The following UQCC6 variants were observed in gnomAD, a reference collection of about 807,000 sequenced individuals.
UQCC6 encodes ubiquinol-cytochrome c reductase complex assembly factor 6.
the UQCC6 span, chr12:103,951,459 T>C: frequency 1.1e-6 from 1 of 939,036 alleles, no homozygotes; most frequent in Non-Finnish European, 1.6e-6. Flanking sequence ...GACAAGTAGT[T>C]TGATGCAATA....
At chr12:103,956,649 C>G in the UQCC6 span, 1 of 1,551,380 alleles carries the variant, frequency 6.4e-7, no homozygotes, top group Non-Finnish European at 8.7e-7. Flanking sequence ...GTCGGTAGTA[C>G]CTGTGCACCA....
the UQCC6 span, among the ~76,000 whole-genome samples, chr12:103,964,037 T>TGA: frequency 6.6e-6 from 1 of 151,692 alleles, no homozygotes; most frequent in Admixed American, 6.6e-5. Context: ...TGCAGGATGT[T>TGA]GAGAGAGAGA....
the UQCC6 span, chr12:103,950,337 G>A: frequency 6.6e-6 from 1 of 151,936 alleles, no homozygotes; most frequent in Non-Finnish European, 1.5e-5. Context: ...AAACAGGACT[G>A]AGCAGAGGTA....
chr12:103,954,478 G>A, the UQCC6 span, among the ~76,000 whole-genome samples: 1 of 152,182 alleles, frequency 6.6e-6, no homozygotes, highest in Non-Finnish European at 1.5e-5. Context: ...GTGAGAGAGA[G>A]AGCCAGGTTC....
At chr12:103,954,860 A>G in the UQCC6 span, 1 of 681,476 alleles carries the variant, frequency 1.5e-6, no homozygotes, top group South Asian at 1.6e-5. Context: ...GAACAGGAGC[A>G]AAAAAGAGAC....
the UQCC6 span, among the ~76,000 whole-genome samples, chr12:103,963,327 C>T: frequency 6.6e-5 from 10 of 152,266 alleles, no homozygotes; most frequent in South Asian, 2.1e-3. Context: ...CTGCCCGCCT[C>T]GGCCTCCCAA....
chr12:103,951,535 C>T, the UQCC6 span: 1 of 1,530,634 alleles, frequency 6.5e-7, no homozygotes, highest in Non-Finnish European at 8.9e-7. Flanking sequence ...ATTTAAGTTC[C>T]TCCTGTTGAG....
the UQCC6 span, among the ~76,000 whole-genome samples, chr12:103,960,054 C>T: frequency 2.0e-5 from 3 of 151,988 alleles, no homozygotes; most frequent in Non-Finnish European, 2.9e-5. Flanking sequence ...GGATTATAGG[C>T]ATGAGTCACC....
At chr12:103,953,730 C>T in the UQCC6 span, 1 of 606,362 alleles carries the variant, frequency 1.6e-6, no homozygotes, top group South Asian at 1.9e-5. Flanking sequence ...AGTTTAGACC[C>T]TTCAATATGG....
At chr12:103,963,892 TG>T in the UQCC6 span, among the ~76,000 whole-genome samples, 4 of 152,052 alleles carry the variant, frequency 2.6e-5, no homozygotes, top group Admixed American at 6.6e-5. Context: ...AAAGACAAAT[TG>T]TTTTTTTTTT....
At chr12:103,951,662 G>T in the UQCC6 span, 1 of 1,237,666 alleles carries the variant, frequency 8.1e-7, no homozygotes, top group African/African-American at 1.5e-5. Context: ...AAACATAAAT[G>T]TCTAACCCTT....
chr12:103,965,699 C>T, the UQCC6 span: 3 of 320,514 alleles, frequency 9.4e-6, no homozygotes, highest in African/African-American at 2.1e-5. Flanking sequence ...CTCCTAGTCC[C>T]CGTCTTCTGG....
the UQCC6 span, chr12:103,956,998 C>A: frequency 2.0e-6 from 1 of 503,638 alleles, no homozygotes; most frequent in Non-Finnish European, 3.6e-6. Flanking sequence ...GGCCTGCGTG[C>A]GGCATTAAAG....
the UQCC6 span, chr12:103,955,024 A>G: frequency 1.4e-6 from 1 of 694,206 alleles, no homozygotes; most frequent in Non-Finnish European, 2.6e-6. Flanking sequence ...GATGTTAAAA[A>G]TACAAATGGG....
the UQCC6 span, among the ~76,000 whole-genome samples, chr12:103,963,603 C>T: frequency 6.6e-6 from 1 of 152,168 alleles, no homozygotes; most frequent in Admixed American, 6.5e-5. Flanking sequence ...TATCCGTGTA[C>T]TTATTTAGTT....
At chr12:103,959,723 ATAATAAT>A in the UQCC6 span, among the ~76,000 whole-genome samples, 1 of 151,980 alleles carries the variant, frequency 6.6e-6, no homozygotes, top group Non-Finnish European at 1.5e-5. Flanking sequence ...AAAAATAATA[ATAATAAT>A]TAACTTTTTT....
the UQCC6 span, among the ~76,000 whole-genome samples, chr12:103,957,643 CT>C: frequency 1.3e-5 from 2 of 152,098 alleles, no homozygotes; most frequent in East Asian, 1.9e-4. Context: ...CAGCTGTGGC[CT>C]TATGACCTGG....
chr12:103,953,139 C>T, the UQCC6 span, among the ~76,000 whole-genome samples: 2,287 of 152,136 alleles, frequency 0.015, 65 homozygotes, highest in African/African-American at 0.052. Flanking sequence ...TGAGAATAGA[C>T]CACAGGAGAG....
At chr12:103,951,399 C>T in the UQCC6 span, 8 of 524,270 alleles carry the variant, frequency 1.5e-5, no homozygotes, top group South Asian at 2.5e-4. Context: ...ATCGGCTAAA[C>T]ATCCACTGAG....
Sources: gnomAD v4.1 joint callset for allele counts (sites outside exome capture counted in the v4.1 genomes callset) on GRCh38, gnomAD v4.1.1 for gene constraint, MANE v1.5 for transcripts, NCBI Gene and HGNC (gene_info 2026-07-23, HGNC 2026-07-21) for gene names.